The following IPCEF1 variants were observed in gnomAD, a reference collection of about 807,000 sequenced individuals.
IPCEF1 encodes the protein interactor protein for cytohesin exchange factors 1.
A neutral mutation model predicts 50.9 loss-of-function variants in IPCEF1; 31 were observed. That is an observed-to-expected ratio of 0.61 (90% CI 0.46 to 0.82). The LOEUF is 0.82. Among genes scored for constraint, IPCEF1 ranks in the 40% least tolerant of loss-of-function variants. The pLI is 0.00. For missense variants in IPCEF1, 458 were observed against 514.0 expected (o/e 0.89, Z 1.05); for synonymous variants, 181 against 192.0 (o/e 0.94, Z 0.47).
chr6:154,256,634 T>G (rs1303010011), intron 3 of IPCEF1, among the ~76,000 whole-genome samples: 4 of 152,128 alleles, frequency 2.6e-5, no homozygotes, highest in Admixed American at 1.3e-4. Flanking sequence ...TCTTCCCATC[T>G]GTGCTTATGG....
intron 1 of IPCEF1, among the ~76,000 whole-genome samples, chr6:154,338,100 T>G (rs1225308523): frequency 2.0e-5 from 3 of 152,214 alleles, no homozygotes; most frequent in Non-Finnish European, 4.4e-5. Context: ...ATAAGTTGTC[T>G]CTGTTGATTT....
chr6:154,307,675 C>A (rs1583972666), intron 1 of IPCEF1, among the ~76,000 whole-genome samples: 1 of 152,184 alleles, frequency 6.6e-6, no homozygotes, highest in African/African-American at 2.4e-5. Flanking sequence ...AATAAAATCA[C>A]ACAAATACTA....
chr6:154,264,141 T>C lies in IPCEF1; in HGVS notation c.36+1771A>G, dbSNP rs562326867. Among the ~76,000 whole-genome samples the C allele has an allele frequency of 3.9e-5, 6 of 152,114 alleles. No homozygotes were observed. In the South Asian group the frequency reaches 6.2e-4, roughly 16 times the overall value. ...CTTGTAATTATTCACATTTCTATTATCAAAAAACACCCACCCATCCATGCC... is the reference window on the plus strand; with the variant it reads ...CTTGTAATTATTCACATTTCTATTACCAAAAAACACCCACCCATCCATGCC... On this transcript the variant is annotated intron_variant, in intron 3 of 11. Coordinates refer to ENST00000367220, the MANE Select transcript of IPCEF1 (RefSeq NM_001130700.2).
intron 10 of IPCEF1, among the ~76,000 whole-genome samples, chr6:154,172,872 C>A (rs956687225): frequency 6.6e-6 from 1 of 152,222 alleles, no homozygotes; most frequent in African/African-American, 2.4e-5. Context: ...GGGTCCCTGA[C>A]CCTCATGTAG....
At chr6:154,305,705 C>T (rs1037802324) in intron 1 of IPCEF1, among the ~76,000 whole-genome samples, 3 of 152,262 alleles carry the variant, frequency 2.0e-5, no homozygotes, top group South Asian at 2.1e-4. Flanking sequence ...ACCTTCAATA[C>T]GGGTGGGCAC....
intron 10 of IPCEF1, among the ~76,000 whole-genome samples, chr6:154,187,552 C>A (rs972111874): frequency 3.9e-5 from 6 of 152,168 alleles, no homozygotes; most frequent in Admixed American, 3.9e-4. Flanking sequence ...GGTGGGTGAC[C>A]TGTACTACCT....
intron 10 of IPCEF1, among the ~76,000 whole-genome samples, chr6:154,188,454 C>T (rs952979982): frequency 3.9e-5 from 6 of 152,134 alleles, no homozygotes; most frequent in Non-Finnish European, 7.4e-5. Flanking sequence ...AAAAATGTAA[C>T]GCAATTCATG....
At chr6:154,310,104 G>A (rs1185691520) in intron 1 of IPCEF1, among the ~76,000 whole-genome samples, 10 of 152,070 alleles carry the variant, frequency 6.6e-5, no homozygotes, top group Admixed American at 6.6e-4. Context: ...GTCAACCTTT[G>A]TAAAAGAAGT....
rs569494075 is a variant in IPCEF1, at chr6:154,322,085, G to C, written c.-61-32329C>G. On this transcript the variant is annotated intron_variant, in intron 1 of 11. Coordinates refer to ENST00000367220, the MANE Select transcript of IPCEF1 (RefSeq NM_001130700.2). Reference sequence around the variant, plus strand: ...ATATCATCATATTAAAATAATAAAGGGGAAAACCACATGATTACCTTAATA... The same window carrying C: ...ATATCATCATATTAAAATAATAAAGCGGAAAACCACATGATTACCTTAATA... 2.0e-4 allele frequency among the ~76,000 whole-genome samples: 31 copies of C among 151,950 alleles called. 1 individual carries two copies. The highest frequency in any genetic ancestry group is 7.2e-4 in the African/African-American group (30 of 41,442).
intron 6 of IPCEF1, among the ~76,000 whole-genome samples, chr6:154,222,728 A>C (rs1583838490): frequency 6.6e-6 from 1 of 152,316 alleles, no homozygotes; most frequent in Non-Finnish European, 1.5e-5. Flanking sequence ...CAAGCTTAAG[A>C]CATCTCAGAA....
intron 1 of IPCEF1, among the ~76,000 whole-genome samples, chr6:154,315,424 T>C (rs933183485): frequency 5.9e-5 from 9 of 152,226 alleles, no homozygotes; most frequent in Admixed American, 4.6e-4. Context: ...TAATAACAGC[T>C]GTTTCATTGA....
chr6:154,198,060 T>C (rs1776763880), intron 10 of IPCEF1, among the ~76,000 whole-genome samples: 1 of 152,154 alleles, frequency 6.6e-6, no homozygotes, highest in African/African-American at 2.4e-5. Context: ...CAATACACAA[T>C]AGGCAATCAA....
intron 11 of IPCEF1, among the ~76,000 whole-genome samples, chr6:154,166,408 C>T (rs546953403): frequency 9.2e-5 from 14 of 152,302 alleles, no homozygotes; most frequent in African/African-American, 2.9e-4. Context: ...ACATGCTCTC[C>T]GCGGCCTCTA....
At chr6:154,290,375 T>C (rs1277367602) in intron 1 of IPCEF1, among the ~76,000 whole-genome samples, 1 of 152,174 alleles carries the variant, frequency 6.6e-6, no homozygotes, top group African/African-American at 2.4e-5. Flanking sequence ...CCCTGTACCA[T>C]GCTGATGTAT....
intron 10 of IPCEF1, among the ~76,000 whole-genome samples, chr6:154,185,068 G>A (rs1801217575): frequency 6.6e-6 from 1 of 152,160 alleles, no homozygotes; most frequent in South Asian, 2.1e-4. Context: ...TACATGGCAT[G>A]ACTAGCTAGT....
chr6:154,230,124 T>C (rs918620707), intron 5 of IPCEF1, among the ~76,000 whole-genome samples: 6 of 152,186 alleles, frequency 3.9e-5, no homozygotes, highest in Non-Finnish European at 8.8e-5. Context: ...TATTTAAAAC[T>C]GATTTATTAT....
At chr6:154,316,502 A>G (rs143018155) in intron 1 of IPCEF1, among the ~76,000 whole-genome samples, 89 of 152,356 alleles carry the variant, frequency 5.8e-4, no homozygotes, top group African/African-American at 2.0e-3. Context: ...ATTATGTTAC[A>G]TGAAATAAGC....
chr6:154,355,788 ATTCTATT>A (rs1784207773), intron 1 of IPCEF1, among the ~76,000 whole-genome samples: 2 of 150,364 alleles, frequency 1.3e-5, no homozygotes, highest in Non-Finnish European at 3.0e-5. Context: ...CGCACCCGGC[ATTCTATT>A]TTCTATTTTC....
At chr6:154,220,020 G>A (rs2128615048) in intron 7 of IPCEF1, among the ~76,000 whole-genome samples, 1 of 150,788 alleles carries the variant, frequency 6.6e-6, no homozygotes, top group South Asian at 2.1e-4. Context: ...GTGTGTGTGT[G>A]TGTGTGTGTC....
Sources: gnomAD v4.1 joint callset for allele counts (sites outside exome capture counted in the v4.1 genomes callset) on GRCh38, gnomAD v4.1.1 for gene constraint, MANE v1.5 for transcripts, NCBI Gene and HGNC (gene_info 2026-07-23, HGNC 2026-07-21) for gene names.